Variants in DAB1 observed in about 807,000 individuals in gnomAD.
DAB1 encodes the protein DAB adaptor protein 1.
In DAB1, 15 loss-of-function variants were observed where a neutral mutation model predicts 64.6. The ratio of observed to expected loss-of-function variants is 0.23; its 90% confidence interval spans 0.16 to 0.36. The LOEUF is 0.36. DAB1 is among the 10% of genes least tolerant of loss of function. The pLI is 1.00. For missense variants in DAB1, 596 were observed against 706.7 expected (o/e 0.84, Z 1.78); for synonymous variants, 235 against 251.9 (o/e 0.93, Z 0.64).
intron 7 of DAB1, among the ~76,000 whole-genome samples, chr1:57,537,761 T>C (rs2101438363): frequency 6.6e-6 from 1 of 152,334 alleles, no homozygotes; most frequent in East Asian, 1.9e-4. Context: ...TCAGTCTGTT[T>C]TGTGTTGCTA....
chr1:57,973,644 G>GT (rs35172824), intron 5 of DAB1, among the ~76,000 whole-genome samples: 73,321 of 151,810 alleles, frequency 0.48, 18,378 homozygotes, highest in East Asian at 0.9. Flanking sequence ...AAAAACTAGG[G>GT]TGTTACTCTT....
chr1:57,378,638 C>A (rs1315181364), intron 1 of DAB1, among the ~76,000 whole-genome samples: 3 of 152,086 alleles, frequency 2.0e-5, no homozygotes, highest in Admixed American at 6.6e-5. Context: ...ATGGAGCAAC[C>A]AATTTTGTTT....
At chr1:57,588,316 A>C (rs1168494142) in intron 7 of DAB1, among the ~76,000 whole-genome samples, 2 of 152,194 alleles carry the variant, frequency 1.3e-5, no homozygotes, top group Non-Finnish European at 2.9e-5. Context: ...CTTAAAGTTC[A>C]TCTGCAAGGT....
intron 2 of DAB1, among the ~76,000 whole-genome samples, chr1:58,518,625 T>A (rs577900568): frequency 0.31 from 47,235 of 151,648 alleles, 7,804 homozygotes; most frequent in African/African-American, 0.42. Context: ...AGAACGAATA[T>A]CTTTATCTAT....
chr1:58,133,252 G>C (rs905412177), intron 5 of DAB1, among the ~76,000 whole-genome samples: 1 of 152,038 alleles, frequency 6.6e-6, no homozygotes, highest in Admixed American at 6.6e-5. Flanking sequence ...TGCTATTTAT[G>C]GTCTCTGTGC....
rs57961202 is a variant in DAB1, at chr1:58,387,717, C to CT, written n.258-44315dup. Among the ~76,000 whole-genome samples, 67 of 102,860 alleles carry CT rather than the reference C, an allele frequency of 6.5e-4. 1 individual carries two copies. The highest frequency in any genetic ancestry group is 1.1e-3 in the African/African-American group (28 of 25,566). 67.5% of individuals were successfully genotyped at this position (102,860 alleles called of 152,430 possible). On this transcript the variant is annotated intron_variant and non_coding_transcript_variant, in intron 3 of 20. Transcript: ENST00000485760. ...TAGGGAGGGCATCTTTTTTTCTTTT[C>CT]TTTTCTTTTTTTTTTTTTTTTTTTT...
intron 3 of DAB1, among the ~76,000 whole-genome samples, chr1:58,377,816 C>G (rs1395066505): frequency 7.1e-6 from 1 of 139,908 alleles, no homozygotes; most frequent in East Asian, 2.0e-4. Context: ...TTCAGGTACA[C>G]CAATCAGACG....
intron 1 of DAB1, among the ~76,000 whole-genome samples, chr1:57,421,902 C>CGGGGGGGGGGGGGGGGGG (rs1309675216): frequency 3.4e-4 from 4 of 11,710 alleles, no homozygotes; most frequent in Admixed American, 2.4e-3. Flanking sequence ...TGGGGGGTGG[C>CGGGGGGGGGGGGGGGGGG]GGGGGGGGGG....
intron 1 of DAB1, among the ~76,000 whole-genome samples, chr1:58,529,847 T>A (rs9660901): frequency 6.6e-6 from 1 of 152,050 alleles, no homozygotes. Context: ...TGAGAGGATG[T>A]GCATAGTTAC....
In DAB1 at chr1:57,451,532, C is replaced by A. The variant is rs114899830; in HGVS notation, n.626-160366G>T. Reference sequence around the variant, plus strand: ...AAATTGAAATCATTTTCCTTGTATCCGAGATCTCTAAATCTCATGCACATT... The same window carrying A: ...AAATTGAAATCATTTTCCTTGTATCAGAGATCTCTAAATCTCATGCACATT... On this transcript the variant is annotated intron_variant and non_coding_transcript_variant, in intron 7 of 20. Coordinates refer to the DAB1 transcript ENST00000485760. Among the ~76,000 whole-genome samples the A allele has an allele frequency of 2.6e-3, 391 of 152,138 alleles. 3 individuals carry two copies. Among genetic ancestry groups the A allele is most frequent in the African/African-American group, 9.2e-3 (380 of 41,514 alleles).
chr1:57,429,164 C>A (rs980432731), intron 7 of DAB1, among the ~76,000 whole-genome samples: 1 of 152,162 alleles, frequency 6.6e-6, no homozygotes, highest in Middle Eastern at 3.2e-3. Context: ...ATCCTCCTGC[C>A]TCACCTTCCA....
At chr1:57,727,809 T>C (rs1647249302) in intron 6 of DAB1, among the ~76,000 whole-genome samples, 1 of 146,982 alleles carries the variant, frequency 6.8e-6, no homozygotes, top group Non-Finnish European at 1.5e-5. Flanking sequence ...GGAGTGTGGT[T>C]GGAAAATCCT....
intron 2 of DAB1, among the ~76,000 whole-genome samples, chr1:57,206,393 C>G (rs1447661322): frequency 1.3e-5 from 2 of 152,172 alleles, no homozygotes; most frequent in East Asian, 1.9e-4. Context: ...TCCTAGCCCC[C>G]ACTACCTCAT....
rs1453784126 is a variant in DAB1, at chr1:58,537,718, G to A, written n.32+8985C>T. 3.9e-5 allele frequency among the ~76,000 whole-genome samples: 6 copies of A among 152,172 alleles called. No homozygotes were observed. The East Asian group carries it at 1.2e-3, about 29-fold the overall frequency. ...ATTCTTAAAGTTCTCTTTGTGAAGT[G>A]ACACACCCCAATGCCTTTACACAAA... is the stretch of plus-strand genomic sequence containing the variant. On this transcript the variant is annotated intron_variant and non_coding_transcript_variant, in intron 1 of 20. Coordinates refer to the DAB1 transcript ENST00000485760.
intron 1 of DAB1, among the ~76,000 whole-genome samples, chr1:57,341,497 A>G (rs540689052): frequency 1.1e-4 from 17 of 152,318 alleles, no homozygotes; most frequent in African/African-American, 3.4e-4. Context: ...AAATAAGCAA[A>G]GGGACATTCC....
In DAB1 at chr1:58,195,974, C is replaced by T. The variant is rs1328700575; in HGVS notation, n.310-45386G>A. Among the ~76,000 whole-genome samples, 3 of 152,162 alleles carry T rather than the reference C, an allele frequency of 2.0e-5. No homozygotes were observed. In the East Asian group the frequency reaches 5.8e-4, roughly 29 times the overall value. On this transcript the variant is annotated intron_variant and non_coding_transcript_variant, in intron 4 of 20. Transcript: ENST00000485760. ...AATCAAACTCAGAAACTATCTGACTCCTTTACCCTTAAGAATTATTCTCTC... is the reference window on the plus strand; with the variant it reads ...AATCAAACTCAGAAACTATCTGACTTCTTTACCCTTAAGAATTATTCTCTC...
At chr1:58,189,763 A>C (rs996179113) in intron 4 of DAB1, among the ~76,000 whole-genome samples, 2 of 152,184 alleles carry the variant, frequency 1.3e-5, no homozygotes, top group African/African-American at 4.8e-5. Flanking sequence ...AAACAAGTAA[A>C]TGCTCCATGG....
intron 6 of DAB1, among the ~76,000 whole-genome samples, chr1:57,711,394 G>T (rs1647027645): frequency 6.6e-6 from 1 of 152,164 alleles, no homozygotes. Context: ...TATTCTTAAG[G>T]TGTGGGCTAT....
intron 5 of DAB1, among the ~76,000 whole-genome samples, chr1:58,131,414 T>A (rs965490069): frequency 2.1e-5 from 3 of 144,984 alleles, no homozygotes; most frequent in African/African-American, 7.6e-5. Flanking sequence ...TGTCCTCCCA[T>A]AGCTCAGAGT....
Sources: gnomAD v4.1 joint callset for allele counts (sites outside exome capture counted in the v4.1 genomes callset) on GRCh38, gnomAD v4.1.1 for gene constraint, MANE v1.5 for transcripts, NCBI Gene and HGNC (gene_info 2026-07-23, HGNC 2026-07-21) for gene names.